Variants in KCNIP4 observed in about 807,000 individuals in gnomAD.
The protein encoded by KCNIP4 is potassium voltage-gated channel interacting protein 4.
Under a neutral mutation model 34.0 loss-of-function variants are expected in KCNIP4, and 12 were observed. That is an observed-to-expected ratio of 0.35 (90% CI 0.23 to 0.57). The LOEUF (loss-of-function observed/expected upper bound fraction) is 0.57. KCNIP4 is among the 20% of genes least tolerant of loss of function. The pLI, the probability that KCNIP4 is intolerant of heterozygous loss-of-function variation, is 0.83. For synonymous variants in KCNIP4, 124 were observed against 102.2 expected, an observed-to-expected ratio of 1.21 and a Z score of -1.29; for missense variants, 238 against 311.7, an observed-to-expected ratio of 0.76 and a Z score of 1.78.
intron 1 of KCNIP4, among the ~76,000 whole-genome samples, chr4:21,281,764 A>G (rs1762790095): frequency 1.3e-5 from 2 of 152,300 alleles, no homozygotes; most frequent in East Asian, 1.9e-4. Context: ...GCAACTTCCC[A>G]TTGATCTGAA....
intron 1 of KCNIP4, among the ~76,000 whole-genome samples, chr4:21,326,950 C>T (rs1027277419): frequency 2.6e-5 from 4 of 151,920 alleles, no homozygotes; most frequent in African/African-American, 9.7e-5. Flanking sequence ...TTAATTCCTC[C>T]TCTTTTTAAA....
chr4:21,103,299 T>C (rs1364260350), intron 1 of KCNIP4, among the ~76,000 whole-genome samples: 2 of 146,584 alleles, frequency 1.4e-5, no homozygotes, highest in Non-Finnish European at 3.0e-5. Flanking sequence ...ACATTATATA[T>C]ATAACATATA....
chr4:20,859,173 TA>T (rs1349564403), intron 2 of KCNIP4, among the ~76,000 whole-genome samples: 2 of 152,092 alleles, frequency 1.3e-5, no homozygotes, highest in African/African-American at 2.4e-5. Context: ...CATGGTAGAA[TA>T]AGGTACGAAG....
chr4:21,873,574 T>C (rs1199545180), intron 1 of KCNIP4, among the ~76,000 whole-genome samples: 1 of 152,222 alleles, frequency 6.6e-6, no homozygotes, highest in Non-Finnish European at 1.5e-5. Context: ...AATGATTCAC[T>C]GAATTCACTG....
At chr4:21,393,860 A>G in intron 1 of KCNIP4, among the ~76,000 whole-genome samples, 1 of 152,016 alleles carries the variant, frequency 6.6e-6, no homozygotes, top group East Asian at 1.9e-4. Context: ...ACCTTAGTAG[A>G]GTGTTGATAA....
At chr4:21,904,026 T>C (rs1727853866) in intron 1 of KCNIP4, among the ~76,000 whole-genome samples, 1 of 152,188 alleles carries the variant, frequency 6.6e-6, no homozygotes, top group Non-Finnish European at 1.5e-5. Context: ...TGATTTTGCT[T>C]TACTTCATTG....
chr4:21,334,790 T>C lies in KCNIP4; in HGVS notation c.62-452081A>G, dbSNP rs116577396. On this transcript the variant is annotated intron_variant, in intron 1 of 8. Transcript: ENST00000382152. Reference sequence around the variant, plus strand: ...TATGTGATCTTTTGTGTGTGACTTCTTTCAGATCATATAATGTGAAAGTCC... The same window carrying C: ...TATGTGATCTTTTGTGTGTGACTTCCTTCAGATCATATAATGTGAAAGTCC... Among the ~76,000 whole-genome samples the C allele has an allele frequency of 8.8e-3, 1,336 of 152,228 alleles. 32 individuals are homozygous for C. The highest frequency in any genetic ancestry group is 0.03 in the African/African-American group (1,258 of 41,548).
chr4:21,499,018 C>T (rs768456105), intron 1 of KCNIP4, among the ~76,000 whole-genome samples: 1 of 152,074 alleles, frequency 6.6e-6, no homozygotes, highest in Non-Finnish European at 1.5e-5. Context: ...TCACTGGTCC[C>T]ATTGGGAACT....
intron 1 of KCNIP4, among the ~76,000 whole-genome samples, chr4:21,197,036 GC>G (rs1298953011): frequency 2.8e-4 from 43 of 152,152 alleles, no homozygotes; most frequent in African/African-American, 1.0e-3. Context: ...AAACAATATA[GC>G]TTTTTGTGCT....
chr4:20,765,875 CCT>C (rs2149370989), intron 3 of KCNIP4, among the ~76,000 whole-genome samples: 2 of 152,270 alleles, frequency 1.3e-5, no homozygotes, highest in South Asian at 4.1e-4. Context: ...CCTTTTCAGT[CCT>C]CTCAGGCCAT....
intron 1 of KCNIP4, among the ~76,000 whole-genome samples, chr4:21,357,320 T>C (rs1434433993): frequency 6.6e-6 from 1 of 152,016 alleles, no homozygotes; most frequent in Non-Finnish European, 1.5e-5. Flanking sequence ...ACAAATGGGA[T>C]CTAATTAAAC....
At chr4:21,881,039 A>G (rs1275267161) in intron 1 of KCNIP4, among the ~76,000 whole-genome samples, 1 of 152,128 alleles carries the variant, frequency 6.6e-6, no homozygotes, top group Non-Finnish European at 1.5e-5. Context: ...TTAAGCTGTA[A>G]TTGTTGTTGG....
At chr4:21,193,793 G>A (rs1052064045) in intron 1 of KCNIP4, among the ~76,000 whole-genome samples, 2 of 151,832 alleles carry the variant, frequency 1.3e-5, no homozygotes, top group Admixed American at 1.3e-4. Context: ...GGATGGTCTC[G>A]ATCTCCTGAC....
chr4:21,345,677 G>A (rs928948977), intron 1 of KCNIP4, among the ~76,000 whole-genome samples: 1 of 152,054 alleles, frequency 6.6e-6, no homozygotes, highest in East Asian at 1.9e-4. Context: ...GTCAAAAGCT[G>A]GCCTCCTCAC....
intron 1 of KCNIP4, among the ~76,000 whole-genome samples, chr4:21,029,450 C>A (rs1209994929): frequency 6.6e-6 from 1 of 152,190 alleles, no homozygotes; most frequent in African/African-American, 2.4e-5. Flanking sequence ...CCACAGCCAA[C>A]CTATGCTACT....
At chr4:20,860,089 C>T (rs1722026774) in intron 2 of KCNIP4, among the ~76,000 whole-genome samples, 1 of 151,954 alleles carries the variant, frequency 6.6e-6, no homozygotes, top group South Asian at 2.1e-4. Context: ...TGAAGCATTC[C>T]AAGAATAGTG....
intron 5 of KCNIP4, among the ~76,000 whole-genome samples, chr4:20,738,000 T>G (rs1290257905): frequency 6.6e-6 from 1 of 151,984 alleles, no homozygotes; most frequent in Non-Finnish European, 1.5e-5. Context: ...GGTATGGTGG[T>G]GCACACCTGT....
intron 1 of KCNIP4, among the ~76,000 whole-genome samples, chr4:21,018,878 T>C (rs149390184): frequency 2.2e-3 from 331 of 152,330 alleles, no homozygotes; most frequent in Non-Finnish European, 3.7e-3. Flanking sequence ...TGGATAGGGT[T>C]AATTCTGAAT....
chr4:20,732,009 T>C lies in KCNIP4; in HGVS notation c.702A>G (p.Gln234=). The C allele has an allele frequency of 6.2e-7, 1 of 1,613,544 alleles. No homozygotes were observed. Among genetic ancestry groups the C allele is most frequent in the Non-Finnish European group, 8.5e-7 (1 of 1,179,798 alleles). Residue 234 remains glutamine (Q), a synonymous_variant, in exon 8 of 9, where the codon CAA becomes CAG. Coordinates refer to ENST00000382152, the MANE Select transcript of KCNIP4 (RefSeq NM_025221.6). ...VTIDEFIESC[Q]KDENIMRSMQ... ...TTATTACACTTTCATTACTTACTTT[T>C]TGGCAGCTTTCAATGAACTCATCTA...
Sources: gnomAD v4.1 joint callset for allele counts (sites outside exome capture counted in the v4.1 genomes callset) on GRCh38, gnomAD v4.1.1 for gene constraint, MANE v1.5 for transcripts, NCBI Gene and HGNC (gene_info 2026-07-23, HGNC 2026-07-21) for gene names.